The following PTPN12 variants were observed in gnomAD, a reference collection of about 807,000 sequenced individuals.
PTPN12 encodes the protein tyrosine-protein phosphatase non-receptor type 12.
In PTPN12, 29 loss-of-function variants were observed where a neutral mutation model predicts 97.6. That is an observed-to-expected ratio of 0.30 (90% CI 0.22 to 0.41). PTPN12 has a LOEUF of 0.41. Ranked by LOEUF, PTPN12 falls within the 10% of genes least tolerant of loss-of-function variation. The pLI is 1.00. For missense variants in PTPN12, 819 were observed against 926.0 expected (o/e 0.88, Z 1.50); for synonymous variants, 327 against 300.4 (o/e 1.09, Z -0.91).
intron 7 of PTPN12, 36 bp from the exon 8 acceptor site, chr7:77,600,628 A>G (rs1445141044): frequency 6.5e-7 from 1 of 1,538,324 alleles, no homozygotes; most frequent in Admixed American, 2.2e-5. Context: ...TTTGCAAAGT[A>G]TTTTCATAAT....
intron 8 of PTPN12, among the ~76,000 whole-genome samples, chr7:77,604,197 A>ATTT (rs1231092412): frequency 1.6e-5 from 1 of 61,586 alleles, no homozygotes; most frequent in Non-Finnish European, 3.4e-5. Flanking sequence ...CTTTGTTTGC[A>ATTT]TTTTTTTCTT....
In PTPN12 at chr7:77,626,810, C is replaced by G; in HGVS notation, c.1131C>G (p.Val377=). ...CTCCCCCTTCAGCTTTTCCAACAGT[C>G]ACTACTGTGTGGCAGGACAATGATA... is the stretch of plus-strand genomic sequence containing the variant. ...TPSPPSAFPT[V]TTVWQDNDRY... The change falls in exon 13 of 18, where the codon GTC becomes GTG. Residue 377 remains valine, a synonymous_variant. Transcript: ENST00000248594. The G allele has an allele frequency of 6.2e-7, 1 of 1,614,008 alleles. No homozygotes were observed. The highest frequency in any genetic ancestry group is 8.5e-7 in the Non-Finnish European group (1 of 1,179,914).
rs1383453267 is a variant in PTPN12, at chr7:77,573,097, C to CA, written c.208+1918dup. 6.8e-4 allele frequency among the ~76,000 whole-genome samples: 33 copies of CA among 48,518 alleles called. 4 individuals carry two copies. Among genetic ancestry groups the CA allele is most frequent in the East Asian group, 2.5e-3 (4 of 1,604 alleles). 31.8% of individuals were successfully genotyped at this position (48,518 alleles called of 152,430 possible). ...GACTCTATCTCAAAAAAAAAAAAAA[C>CA]AAAAAAACAAAAAAAACCAGTGTAC... On this transcript the variant is annotated intron_variant, in intron 2 of 17. Coordinates refer to ENST00000248594, the MANE Select transcript of PTPN12 (RefSeq NM_002835.4).
chr7:77,638,326 A>G (rs560308139), intron 16 of PTPN12, among the ~76,000 whole-genome samples: 1 of 152,268 alleles, frequency 6.6e-6, no homozygotes, highest in East Asian at 1.9e-4. Context: ...GGCATATAGT[A>G]TAGCTACCTT....
chr7:77,579,914 G>C (rs1721325171), intron 2 of PTPN12, among the ~76,000 whole-genome samples: 1 of 152,206 alleles, frequency 6.6e-6, no homozygotes, highest in African/African-American at 2.4e-5. Context: ...TGGTTTGTCA[G>C]TGATGAAAAG....
chr7:77,585,676 A>G (rs558345368), intron 5 of PTPN12, 95 bp downstream of exon 5: 4 of 1,093,898 alleles, frequency 3.7e-6, no homozygotes, highest in Non-Finnish European at 5.4e-6. Flanking sequence ...GTTAATGTAG[A>G]TACTTCTTTT....
intron 1 of PTPN12, among the ~76,000 whole-genome samples, chr7:77,539,635 T>A (rs1806854613): frequency 6.6e-6 from 1 of 152,208 alleles, no homozygotes; most frequent in South Asian, 2.1e-4. Flanking sequence ...GTTGGTTTTT[T>A]TTTTGAGACG....
At chr7:77,537,944 CG>C (rs1415669624) in intron 1 of PTPN12, 1 of 702,808 alleles carries the variant, frequency 1.4e-6, no homozygotes, top group Non-Finnish European at 1.8e-6. Context: ...TATTGTTTAC[CG>C]GGCCGGGAGC....
chr7:77,600,570 A>G, intron 7 of PTPN12, 94 bp from the exon 8 acceptor site: 1 of 1,104,664 alleles, frequency 9.1e-7, no homozygotes, highest in Non-Finnish European at 1.3e-6. Context: ...TAAATGCCAC[A>G]CAAATTTCTT....
intron 10 of PTPN12, 40 bp downstream of exon 10, chr7:77,610,882 A>G (rs370969702): frequency 6.3e-7 from 1 of 1,585,268 alleles, no homozygotes; most frequent in African/African-American, 1.4e-5. Context: ...GCTATTTTAT[A>G]AATGCTTTCT....
intron 1 of PTPN12, among the ~76,000 whole-genome samples, chr7:77,540,385 A>G (rs934951702): frequency 1.3e-5 from 2 of 151,664 alleles, no homozygotes; most frequent in Admixed American, 6.6e-5. Context: ...TTACAGGCGC[A>G]TGCCACCACG....
At chr7:77,628,485 A>G (rs1392652475) in intron 13 of PTPN12, among the ~76,000 whole-genome samples, 1 of 152,154 alleles carries the variant, frequency 6.6e-6, no homozygotes, top group Non-Finnish European at 1.5e-5. Context: ...CTTACCTATC[A>G]GTGAACTTTG....
chr7:77,610,814 C>T lies in PTPN12; in HGVS notation c.812C>T (p.Thr271Ile). The T allele has an allele frequency of 1.2e-6, 2 of 1,608,378 alleles. No individual in the cohort carries two copies. The highest frequency in any genetic ancestry group is 1.7e-5 in the Admixed American group (1 of 58,914). ...NVFNLIQEMR[T>I]QRHSAVQTKE... is the part of the protein sequence containing the mutation. The stretch of plus-strand genomic sequence containing the variant: ...TTTAATTTAATACAAGAAATGAGAA[C>T]ACAAAGGCATTCTGCAGTACAAACA... Residue 271 changes from threonine (T) to isoleucine (I), a missense_variant, in exon 10 of 18, where the codon ACA becomes ATA. Coordinates refer to ENST00000248594, the MANE Select transcript of PTPN12 (RefSeq NM_002835.4).
intron 11 of PTPN12, among the ~76,000 whole-genome samples, chr7:77,616,774 G>T (rs1486386021): frequency 1.3e-5 from 2 of 151,976 alleles, no homozygotes; most frequent in Non-Finnish European, 2.9e-5. Flanking sequence ...TCAATAATAT[G>T]TTGGGGGTAC....
intron 6 of PTPN12, among the ~76,000 whole-genome samples, chr7:77,597,374 C>T (rs1340235799): frequency 1.3e-5 from 2 of 152,198 alleles, no homozygotes; most frequent in Non-Finnish European, 1.5e-5. Flanking sequence ...CCACCTGCCT[C>T]AGCCTCCTGA....
intron 1 of PTPN12, among the ~76,000 whole-genome samples, chr7:77,562,958 C>CAAAAA (rs10650218): frequency 9.6e-4 from 128 of 133,164 alleles, no homozygotes; most frequent in Middle Eastern, 4.0e-3. Context: ...CTAGGCTATG[C>CAAAAA]AAAAAAAAAA....
chr7:77,583,037 G>T (rs1461285739), intron 3 of PTPN12, among the ~76,000 whole-genome samples: 3 of 152,072 alleles, frequency 2.0e-5, no homozygotes, highest in African/African-American at 7.2e-5. Flanking sequence ...AGTCAGTTAT[G>T]TACCAGTTTA....
intron 2 of PTPN12, among the ~76,000 whole-genome samples, chr7:77,572,943 TGTG>T (rs1234949012): frequency 6.6e-6 from 1 of 151,540 alleles, no homozygotes; most frequent in Non-Finnish European, 1.5e-5. Flanking sequence ...ATTAGCCAGA[TGTG>T]GTGGCACGTG....
At chr7:77,561,782 AATTT>A (rs1418718643) in intron 1 of PTPN12, among the ~76,000 whole-genome samples, 1 of 124,586 alleles carries the variant, frequency 8.0e-6, no homozygotes, top group Non-Finnish European at 1.7e-5. Context: ...TTAATTAATT[AATTT>A]TATTTATTTA....
Sources: gnomAD v4.1 joint callset for allele counts (sites outside exome capture counted in the v4.1 genomes callset) on GRCh38, gnomAD v4.1.1 for gene constraint, MANE v1.5 for transcripts, NCBI Gene and HGNC (gene_info 2026-07-23, HGNC 2026-07-21) for gene names.